The following ADGRB1 variants were observed in gnomAD, a reference collection of about 807,000 sequenced individuals.
ADGRB1 encodes brain-specific angiogenesis inhibitor 1.
In ADGRB1, 36 loss-of-function variants were observed where a neutral mutation model predicts 175.7. The observed-to-expected ratio is 0.20, with a 90% CI of 0.16 to 0.27. ADGRB1 has a LOEUF of 0.27. Among genes scored for constraint, ADGRB1 ranks in the 10% least tolerant of loss-of-function variants. The pLI is 1.00. For missense variants in ADGRB1, 1,731 were observed against 2,255.3 expected, an observed-to-expected ratio of 0.77 and a Z score of 4.71; for synonymous variants, 1,054 against 979.4, an observed-to-expected ratio of 1.08 and a Z score of -1.42.
intron 13 of ADGRB1, among the ~76,000 whole-genome samples, chr8:142,486,321 G>A (rs1563702553): frequency 6.6e-6 from 1 of 152,194 alleles, no homozygotes; most frequent in Non-Finnish European, 1.5e-5. Flanking sequence ...CAGAGCTGTA[G>A]GCCAAAGTGA....
chr8:142,457,217 G>C (rs900771069), intron 1 of ADGRB1, among the ~76,000 whole-genome samples: 3 of 152,206 alleles, frequency 2.0e-5, no homozygotes, highest in African/African-American at 7.2e-5. Context: ...TTCCCCTGGA[G>C]TCACTAGGAG....
Position 142,464,981 on chromosome 8 carries a change from A to G in ADGRB1, c.783A>G (p.Thr261=). The G allele has an allele frequency of 7.2e-7, 1 of 1,389,140 alleles. No individual in the cohort carries two copies. Among genetic ancestry groups the G allele is most frequent in the Non-Finnish European group, 9.4e-7 (1 of 1,063,700 alleles). The allele number at this position is 1,389,140 out of a possible 1,614,324, so 86.1% of individuals were successfully genotyped here. ...LTQDRGGHGA[T]GGWKLWSLWG... is the part of the protein sequence containing the mutation. ...AGGACCGGGGCGGGCACGGCGCCAC[A>G]GGTGAGTGACTGGCGGGGAAACCTT... Residue 261 remains threonine, a splice_region_variant and synonymous_variant, in exon 2 of 31, where the codon ACA becomes ACG. Coordinates refer to ENST00000517894, the MANE Select transcript of ADGRB1 (RefSeq NM_001702.3).
At chr8:142,528,258 T>G (rs1372704409) in intron 24 of ADGRB1, among the ~76,000 whole-genome samples, 1 of 152,176 alleles carries the variant, frequency 6.6e-6, no homozygotes, top group Non-Finnish European at 1.5e-5. Flanking sequence ...CTCTGGGAAT[T>G]TTGCCGCTTT....
chr8:142,520,583 G>A (rs374505999), intron 19 of ADGRB1, among the ~76,000 whole-genome samples: 5 of 87,100 alleles, frequency 5.7e-5, no homozygotes, highest in Middle Eastern at 5.7e-3. Flanking sequence ...GGTGGTGATG[G>A]TGGTACTGAT....
At position 142,494,426 on chromosome 8, in the gene ADGRB1, A is replaced by T. The variant is rs530640886; in HGVS notation, c.2675+3611A>T. On this transcript the variant is annotated intron_variant, in intron 17 of 30. Transcript: ENST00000517894. ...GGGCCCTGATCCTGGTCACAGGCTG[A>T]GTCCTGCTCTGGTGTCTTAGCTGGA... Among the ~76,000 whole-genome samples, 45 of 152,234 alleles carry T rather than the reference A, an allele frequency of 3.0e-4. No individual in the cohort carries two copies. The South Asian group carries it at 6.9e-3, about 23-fold the overall frequency.
chr8:142,526,932 G>T (rs1015427385), intron 24 of ADGRB1, among the ~76,000 whole-genome samples: 2 of 152,166 alleles, frequency 1.3e-5, no homozygotes, highest in Admixed American at 6.5e-5. Flanking sequence ...TGGCAGCAGG[G>T]TGCCCCCAAG....
rs1455910270 is a variant in ADGRB1 at position 142,477,560 on chromosome 8, G to A, written c.1387+11G>A. On this transcript the variant is annotated intron_variant, in intron 6 of 30. Transcript: ENST00000517894. ...TTGCCCTGTGCCCTGGTAGGTGAGA[G>A]GGAGGGCGTAGGGGCAGGGAGGAAG... is the stretch of plus-strand genomic sequence containing the variant. 3 of 1,609,476 alleles carry A rather than the reference G, an allele frequency of 1.9e-6. No individual in the cohort carries two copies. Among genetic ancestry groups the A allele is most frequent in the African/African-American group, 2.7e-5 (2 of 75,014 alleles).
chr8:142,536,253 G>A (rs771737048), intron 25 of ADGRB1, among the ~76,000 whole-genome samples: 30 of 150,874 alleles, frequency 2.0e-4, no homozygotes, highest in South Asian at 1.1e-3. Context: ...TGTTACCACC[G>A]CAGTGTCAGT....
chr8:142,522,825 A>C, intron 22 of ADGRB1, 115 bp downstream of exon 22: 25 of 1,196,628 alleles, frequency 2.1e-5, no homozygotes, highest in Non-Finnish European at 2.6e-5. Flanking sequence ...TGATCATCTC[A>C]CAGAGGCTCA....
chr8:142,481,412 C>G, intron 10 of ADGRB1, 52 bp downstream of exon 10: 1 of 1,606,436 alleles, frequency 6.2e-7, no homozygotes, highest in Non-Finnish European at 8.5e-7. Flanking sequence ...ACCCTGGCCA[C>G]ACAGGTTGGG....
At chr8:142,520,395 T>G (rs1394295858) in intron 19 of ADGRB1, among the ~76,000 whole-genome samples, 257 of 3,668 alleles carry the variant, frequency 0.07, 1 homozygote, top group Admixed American at 0.13. Context: ...TGGTAGTGAT[T>G]GTGATGTTGG....
chr8:142,471,884 G>A (rs371881190), intron 2 of ADGRB1, among the ~76,000 whole-genome samples: 2 of 152,218 alleles, frequency 1.3e-5, no homozygotes, highest in Non-Finnish European at 1.5e-5. Context: ...TTCCACGTCC[G>A]TGCAGGGGGC....
intron 23 of ADGRB1, 147 bp downstream of exon 23, chr8:142,524,451 G>GCT: frequency 1.1e-6 from 1 of 935,700 alleles, no homozygotes; most frequent in Non-Finnish European, 1.6e-6. Flanking sequence ...AGGGGGTGGG[G>GCT]GTGCCCACAG....
chr8:142,511,434 A>G lies in ADGRB1; in HGVS notation c.2817+361A>G, dbSNP rs537512615. Among the ~76,000 whole-genome samples the G allele has an allele frequency of 3.3e-5, 5 of 151,944 alleles. No individual in the cohort carries two copies. The East Asian group carries it at 7.8e-4, about 24-fold the overall frequency. ...GGGGGCTGGGAGGCGTCGCCTGTGG[A>G]GGGGCTACCCTTTCCCTTGGTCCTC... On this transcript the variant is annotated intron_variant, in intron 18 of 30. Coordinates refer to ENST00000517894, the MANE Select transcript of ADGRB1 (RefSeq NM_001702.3). This position sits in a 1 kb window ranked among gnomAD's most constrained non-coding sequence, Gnocchi z 4.5.
chr8:142,458,497 C>T (rs988348909), intron 1 of ADGRB1, among the ~76,000 whole-genome samples: 11 of 152,254 alleles, frequency 7.2e-5, no homozygotes, highest in Admixed American at 5.9e-4. Context: ...TGCTGGCCTG[C>T]GGTCAGTGTG....
At chr8:142,518,327 G>A in intron 19 of ADGRB1, 86 bp downstream of exon 19, 2 of 1,421,182 alleles carry the variant, frequency 1.4e-6, no homozygotes, top group Non-Finnish European at 2.0e-6. Context: ...GCGGGGTCGT[G>A]GGTGCCCCTC....
intron 21 of ADGRB1, 118 bp downstream of exon 21, chr8:142,522,233 G>T (rs1175081841): frequency 7.2e-7 from 1 of 1,379,364 alleles, no homozygotes; most frequent in African/African-American, 1.4e-5. Context: ...CTCAGTTGCT[G>T]CTTGGGTGGG....
intron 17 of ADGRB1, 56 bp downstream of exon 17, chr8:142,490,871 C>G (rs1294069078): frequency 3.2e-6 from 5 of 1,543,102 alleles, no homozygotes; most frequent in Non-Finnish European, 3.5e-6. Context: ...TCGTGGGAGG[C>G]TGGCCCAGTA....
intron 7 of ADGRB1, 123 bp from the exon 8 acceptor site, chr8:142,479,200 G>A: frequency 8.9e-7 from 1 of 1,125,020 alleles, no homozygotes; most frequent in Middle Eastern, 2.1e-4. Context: ...ACATTCCTGG[G>A]TCCCTATGTT....
Sources: allele counts gnomAD v4.1 joint callset (sites outside exome capture counted in the v4.1 genomes callset), GRCh38; gene constraint gnomAD v4.1.1; non-coding constraint Gnocchi (gnomAD v3.1); transcripts MANE v1.5; gene names NCBI Gene and HGNC (gene_info 2026-07-23, HGNC 2026-07-21).